GXYLT2: variants seen among roughly 807,000 people sequenced by gnomAD.
GXYLT2 encodes glycosyltransferase 8 domain containing 4.
In GXYLT2, 53 loss-of-function variants were observed where a neutral mutation model predicts 45.8. That is an observed-to-expected ratio of 1.16 (90% CI 0.93 to 1.46). GXYLT2 has a LOEUF of 1.46. GXYLT2 is among the 40% of genes most tolerant of loss of function. The probability of loss-of-function intolerance (pLI) is 0.00; values close to 1 mark genes in which losing one functional copy is unlikely to be tolerated. For synonymous variants in GXYLT2, 219 were observed against 214.2 expected, an observed-to-expected ratio of 1.02 and a Z score of -0.19; for missense variants, 551 against 544.4, an observed-to-expected ratio of 1.01 and a Z score of -0.12.
chr3:72,943,208 A>G (rs1189150050), intron 3 of GXYLT2, among the ~76,000 whole-genome samples: 2 of 152,218 alleles, frequency 1.3e-5, no homozygotes, highest in Admixed American at 1.3e-4. Context: ...GACCTCATAT[A>G]ATTACAGAAA....
At chr3:72,893,120 C>A (rs556969701) in intron 1 of GXYLT2, among the ~76,000 whole-genome samples, 1 of 151,984 alleles carries the variant, frequency 6.6e-6, no homozygotes, top group South Asian at 2.1e-4. Context: ...ATGGGGTCCA[C>A]CTATTTGCTG....
chr3:72,956,965 A>T (rs1190570469), intron 4 of GXYLT2, among the ~76,000 whole-genome samples: 1 of 149,002 alleles, frequency 6.7e-6, no homozygotes, highest in Non-Finnish European at 1.5e-5. Context: ...GAAGGGGTTC[A>T]ATTCCAGGCA....
At chr3:72,968,076 T>C (rs1292596377) in intron 6 of GXYLT2, among the ~76,000 whole-genome samples, 1 of 152,116 alleles carries the variant, frequency 6.6e-6, no homozygotes, top group Non-Finnish European at 1.5e-5. Context: ...TGGGTTCAAG[T>C]GATTTTCCTG....
At chr3:72,929,081 C>T (rs1040531929) in intron 3 of GXYLT2, 9 of 1,589,612 alleles carry the variant, frequency 5.7e-6, no homozygotes, top group Non-Finnish European at 7.7e-6. Flanking sequence ...CCAGAGCTAC[C>T]ACCAGGACTC....
chr3:72,970,337 C>T (rs1022414351), intron 6 of GXYLT2, among the ~76,000 whole-genome samples: 1 of 150,912 alleles, frequency 6.6e-6, no homozygotes, highest in Non-Finnish European at 1.5e-5. Flanking sequence ...AGTGACAGAG[C>T]GACACTCCAT....
chr3:72,891,437 A>G (rs922332567), intron 1 of GXYLT2, among the ~76,000 whole-genome samples: 2 of 152,178 alleles, frequency 1.3e-5, no homozygotes, highest in Admixed American at 1.3e-4. Context: ...TTGCCTCGTT[A>G]GTAGGCAGAC....
rs1709843700 is a variant in GXYLT2 at position 72,922,205 on chromosome 3, T to TA, written c.471dup (p.Arg158ThrfsTer5). On this transcript the variant is annotated frameshift_variant and splice_region_variant, in exon 3 of 7. Coordinates refer to ENST00000389617, the MANE Select transcript of GXYLT2 (RefSeq NM_001080393.2). LOFTEE classifies it high-confidence loss of function. ...TCCCTTGCTTCCCATGTTTTTCAGTTACGCCAGTGGCCTGACTCATATACA... is the reference window on the plus strand; with the variant it reads ...TCCCTTGCTTCCCATGTTTTTCAGTTAACGCCAGTGGCCTGACTCATATACA... The TA allele has an allele frequency of 6.2e-7, 1 of 1,611,822 alleles. No homozygotes were observed.
At chr3:72,938,242 TA>T (rs1218125420) in intron 3 of GXYLT2, among the ~76,000 whole-genome samples, 5 of 152,192 alleles carry the variant, frequency 3.3e-5, no homozygotes, top group African/African-American at 7.2e-5. Flanking sequence ...TATAGATGGA[TA>T]GGGGGATGGA....
At chr3:72,907,836 T>C (rs7613392) in intron 1 of GXYLT2, among the ~76,000 whole-genome samples, 29,097 of 152,032 alleles carry the variant, frequency 0.19, 4,378 homozygotes, top group African/African-American at 0.42. Context: ...TATGTTGTTT[T>C]CTTTGCTCAC....
chr3:72,926,639 A>G (rs530186194), intron 3 of GXYLT2, among the ~76,000 whole-genome samples: 39 of 152,362 alleles, frequency 2.6e-4, no homozygotes, highest in African/African-American at 9.4e-4. Context: ...GTGAGATTTT[A>G]TAATAGATCT....
rs903108641 is a variant in GXYLT2, at chr3:72,924,351, G to A, written c.600+2016G>A. On this transcript the variant is annotated intron_variant, in intron 3 of 6. Coordinates refer to ENST00000389617, the MANE Select transcript of GXYLT2 (RefSeq NM_001080393.2). ...TGGGACTACAGGTGTGAGCCACCAT[G>A]CTTAGCTAATTTTTTTATTTTTTGT... 6.6e-5 allele frequency among the ~76,000 whole-genome samples: 10 copies of A among 151,952 alleles called. 1 individual carries two copies. The highest frequency in any genetic ancestry group is 6.6e-4 in the Admixed American group (10 of 15,256).
At chr3:72,894,762 G>A (rs980715682) in intron 1 of GXYLT2, among the ~76,000 whole-genome samples, 1 of 152,230 alleles carries the variant, frequency 6.6e-6, no homozygotes, top group Non-Finnish European at 1.5e-5. Flanking sequence ...AGGTTGTTGA[G>A]GGGAGGATGG....
chr3:72,918,536 T>C (rs1160520085), intron 2 of GXYLT2, among the ~76,000 whole-genome samples: 1 of 152,104 alleles, frequency 6.6e-6, no homozygotes. Flanking sequence ...TCAAAAAAAT[T>C]GAGAAGGGCC....
intron 3 of GXYLT2, among the ~76,000 whole-genome samples, chr3:72,928,692 G>A (rs1709963702): frequency 6.6e-6 from 1 of 151,846 alleles, no homozygotes; most frequent in African/African-American, 2.4e-5. Flanking sequence ...AGTCATAACA[G>A]ATATCACAGA....
At chr3:72,930,906 A>G (rs1710019655) in intron 3 of GXYLT2, among the ~76,000 whole-genome samples, 1 of 152,062 alleles carries the variant, frequency 6.6e-6, no homozygotes, top group Non-Finnish European at 1.5e-5. Context: ...CTTACTTTCA[A>G]TAATGGATTG....
intron 1 of GXYLT2, among the ~76,000 whole-genome samples, chr3:72,906,396 G>T (rs1559728817): frequency 6.6e-6 from 1 of 152,050 alleles, no homozygotes. Flanking sequence ...TTTCCAACTT[G>T]GCACTGTAGG....
chr3:72,904,095 C>G (rs558885570), intron 1 of GXYLT2, among the ~76,000 whole-genome samples: 1 of 152,318 alleles, frequency 6.6e-6, no homozygotes, highest in South Asian at 2.1e-4. Context: ...CTTAAAATTC[C>G]TGGACAGCAA....
chr3:72,936,819 T>C (rs1311957017), intron 3 of GXYLT2, among the ~76,000 whole-genome samples: 1 of 152,174 alleles, frequency 6.6e-6, no homozygotes, highest in African/African-American at 2.4e-5. Context: ...TTGATCTAAA[T>C]GATATTTTGA....
At chr3:72,963,342 G>A (rs1273495075) in intron 5 of GXYLT2, among the ~76,000 whole-genome samples, 2 of 151,772 alleles carry the variant, frequency 1.3e-5, no homozygotes, top group South Asian at 4.2e-4. Context: ...GGAGGCTGAG[G>A]CGGGCAGATT....
Sources: gnomAD v4.1 joint callset for allele counts (sites outside exome capture counted in the v4.1 genomes callset) on GRCh38, gnomAD v4.1.1 for gene constraint, MANE v1.5 for transcripts, NCBI Gene and HGNC (gene_info 2026-07-23, HGNC 2026-07-21) for gene names.